STX8: variants seen among roughly 807,000 people sequenced by gnomAD.
STX8 encodes syntaxin-8.
STX8 carries 23 observed loss-of-function variants against 37.5 expected under a neutral mutation model. The observed-to-expected ratio is 0.61, with a 90% CI of 0.44 to 0.87. The LOEUF (loss-of-function observed/expected upper bound fraction) is 0.87, where lower values mean the gene tolerates loss of function less well. Among genes scored for constraint, STX8 ranks in the 40% least tolerant of loss-of-function variants. STX8 has a pLI of 0.00. For missense variants in STX8, 313 were observed against 284.7 expected (o/e 1.10, Z -0.71); for synonymous variants, 115 against 99.1 (o/e 1.16, Z -0.95).
At chr17:9,431,674 C>T (rs1180570239) in intron 6 of STX8, among the ~76,000 whole-genome samples, 1 of 152,136 alleles carries the variant, frequency 6.6e-6, no homozygotes, top group Non-Finnish European at 1.5e-5. Flanking sequence ...TAGTCCTCTT[C>T]CCAATTTTAC....
At chr17:9,394,264 A>C (rs1487196907) in intron 6 of STX8, among the ~76,000 whole-genome samples, 1 of 152,176 alleles carries the variant, frequency 6.6e-6, no homozygotes, top group Non-Finnish European at 1.5e-5. Flanking sequence ...ATGGGGAGAG[A>C]GAGCAAAGTG....
At chr17:9,379,890 C>T (rs1911733582) in intron 6 of STX8, among the ~76,000 whole-genome samples, 1 of 151,510 alleles carries the variant, frequency 6.6e-6, no homozygotes, top group Non-Finnish European at 1.5e-5. Flanking sequence ...ATCGCTTGAA[C>T]CAGGGAGGTG....
chr17:9,544,818 C>T (rs1906432311), intron 4 of STX8, among the ~76,000 whole-genome samples: 2 of 152,136 alleles, frequency 1.3e-5, no homozygotes, highest in Middle Eastern at 3.4e-3. Context: ...CGGTGAAACC[C>T]CATCTCTACT....
At chr17:9,373,853 C>T (rs969821711) in intron 7 of STX8, among the ~76,000 whole-genome samples, 5 of 151,002 alleles carry the variant, frequency 3.3e-5, no homozygotes, top group East Asian at 4.0e-4. Flanking sequence ...GCAGGAGAAT[C>T]GCTCGAACCC....
intron 6 of STX8, among the ~76,000 whole-genome samples, chr17:9,458,539 A>G (rs1436865399): frequency 6.6e-6 from 1 of 152,246 alleles, no homozygotes; most frequent in East Asian, 1.9e-4. Context: ...AGTTTTTAAA[A>G]TAATTCAAAA....
chr17:9,434,485 G>T (rs1432011199), intron 6 of STX8, among the ~76,000 whole-genome samples: 3 of 152,256 alleles, frequency 2.0e-5, no homozygotes, highest in Non-Finnish European at 4.4e-5. Flanking sequence ...TATAGCCATA[G>T]TTCCAAGGCA....
At chr17:9,256,275 G>A (rs1906794152) in intron 7 of STX8, among the ~76,000 whole-genome samples, 1 of 152,208 alleles carries the variant, frequency 6.6e-6, no homozygotes, top group Non-Finnish European at 1.5e-5. Context: ...AGTGGAGCTT[G>A]AGTGGAGGCA....
intron 4 of STX8, among the ~76,000 whole-genome samples, chr17:9,506,472 G>A (rs778527080): frequency 2.5e-5 from 3 of 121,372 alleles, no homozygotes; most frequent in African/African-American, 3.2e-5. Flanking sequence ...GCTAAGATTT[G>A]ACTTCAGTGT....
intron 2 of STX8, among the ~76,000 whole-genome samples, chr17:9,562,838 G>T (rs967516810): frequency 6.6e-6 from 1 of 151,972 alleles, no homozygotes; most frequent in Non-Finnish European, 1.5e-5. Flanking sequence ...TTTGAGGGGG[G>T]ATTTCACATC....
At chr17:9,558,601 C>T (rs547631257) in intron 2 of STX8, among the ~76,000 whole-genome samples, 26 of 152,028 alleles carry the variant, frequency 1.7e-4, no homozygotes, top group Non-Finnish European at 2.9e-4. Flanking sequence ...TTTGGGAGGC[C>T]GAGGAGGGTG....
intron 7 of STX8, among the ~76,000 whole-genome samples, chr17:9,267,541 C>T (rs1597573600): frequency 6.6e-6 from 1 of 152,208 alleles, no homozygotes; most frequent in Non-Finnish European, 1.5e-5. Context: ...CTCCTGCCAT[C>T]GGGCGCAACT....
intron 6 of STX8, among the ~76,000 whole-genome samples, chr17:9,389,407 G>T (rs149340292): frequency 1.6e-3 from 247 of 152,346 alleles, no homozygotes; most frequent in Middle Eastern, 0.01. Flanking sequence ...GTCAGTACTT[G>T]CATTTGGTTT....
In STX8 at chr17:9,522,547, A is replaced by C. The variant is rs1201885714; in HGVS notation, c.324-17385T>G. On this transcript the variant is annotated intron_variant, in intron 4 of 7. Coordinates refer to ENST00000306357, the MANE Select transcript of STX8 (RefSeq NM_004853.3). ...TCCGTCTCTACTAAAAATCCAAAAA[A>C]AAAAAAAAAAAAAAAATTATCTGGG... Among the ~76,000 whole-genome samples the C allele has an allele frequency of 8.5e-3, 1,282 of 150,804 alleles. 29 individuals are homozygous for C. Among genetic ancestry groups the C allele is most frequent in the African/African-American group, 0.029 (1,179 of 40,902 alleles).
At chr17:9,560,626 C>T (rs1446745038) in intron 2 of STX8, among the ~76,000 whole-genome samples, 2 of 151,980 alleles carry the variant, frequency 1.3e-5, no homozygotes, top group African/African-American at 4.8e-5. Flanking sequence ...AGGAAACGCT[C>T]AATATTGTGA....
chr17:9,264,435 G>A (rs1240409831), intron 7 of STX8, among the ~76,000 whole-genome samples: 1 of 152,172 alleles, frequency 6.6e-6, no homozygotes, highest in Non-Finnish European at 1.5e-5. Flanking sequence ...CTCCTGAGAA[G>A]ATGGGACCAC....
chr17:9,528,891 AG>A (rs1905687652), intron 4 of STX8, among the ~76,000 whole-genome samples: 1 of 152,170 alleles, frequency 6.6e-6, no homozygotes, highest in Non-Finnish European at 1.5e-5. Context: ...GAAATACAAG[AG>A]AAAAATATGA....
intron 6 of STX8, among the ~76,000 whole-genome samples, chr17:9,415,416 G>A (rs945192537): frequency 2.0e-5 from 3 of 152,054 alleles, no homozygotes; most frequent in Non-Finnish European, 1.5e-5. Flanking sequence ...CCTAGAACCT[G>A]GCTTCTACTC....
chr17:9,519,756 A>AC (rs374230429), intron 4 of STX8, among the ~76,000 whole-genome samples: 125,041 of 146,742 alleles, frequency 0.85, 53,444 homozygotes, highest in East Asian at 1. Context: ...AGACAAAGGC[A>AC]AAACTTTCAC....
At chr17:9,478,228 C>T (rs567409942) in intron 6 of STX8, among the ~76,000 whole-genome samples, 2 of 152,272 alleles carry the variant, frequency 1.3e-5, no homozygotes, top group African/African-American at 4.8e-5. Context: ...CTCTGCTTCC[C>T]GGGTTCAAGT....
Sources: gnomAD v4.1 joint callset for allele counts (sites outside exome capture counted in the v4.1 genomes callset) on GRCh38, gnomAD v4.1.1 for gene constraint, MANE v1.5 for transcripts, NCBI Gene and HGNC (gene_info 2026-07-23, HGNC 2026-07-21) for gene names.